The following FAM120C variants were observed in gnomAD, a reference collection of about 807,000 sequenced individuals.
FAM120C encodes the protein constitutive coactivator of PPAR-gamma-like protein 2.
In FAM120C, 14 loss-of-function variants were observed where a neutral mutation model predicts 71.2. The ratio of observed to expected loss-of-function variants is 0.20; its 90% CI spans 0.13 to 0.31. The LOEUF (loss-of-function observed/expected upper bound fraction) is 0.31, where lower values mean the gene tolerates loss of function less well. Ranked by LOEUF, FAM120C falls within the 10% of genes least tolerant of loss-of-function variation. FAM120C has a pLI of 1.00. For synonymous variants in FAM120C, 354 were observed against 353.2 expected, an observed-to-expected ratio of 1.00 and a Z score of -0.03; for missense variants, 500 against 879.0, an observed-to-expected ratio of 0.57 and a Z score of 5.45.
chrX:54,133,936 T>A lies in FAM120C; in HGVS notation c.1727A>T (p.Asp576Val), dbSNP rs781850259. ...DTGVSEASLGDGEPHIPSLLS... is the reference protein window; with the variant it reads ...DTGVSEASLGVGEPHIPSLLS... Reference sequence around the variant, plus strand: ...CAGAGATGGGATGTGGGGCTCACCATCACCTAGGCTCGCTTCTGAAACTCC... The same window carrying A: ...CAGAGATGGGATGTGGGGCTCACCAACACCTAGGCTCGCTTCTGAAACTCC... Residue 576 changes from aspartate (D) to valine (V), a missense_variant, in exon 8 of 16, where the codon GAT becomes GTT. By Grantham distance (152) the Asp-to-Val change is radical. Around this residue, in one of 11 missense-constraint regions of FAM120C, gnomAD observed 85 missense variants for 84.9 expected, o/e 1.00. Transcript: ENST00000375180. 5.0e-6 allele frequency: 6 copies of A among 1,211,522 alleles called. No individual in the cohort carries two copies. The highest frequency in any genetic ancestry group is 6.7e-6 in the Non-Finnish European group (6 of 895,485).
At position 54,073,228 on chromosome X, in the gene FAM120C, C is replaced by G. The variant is rs139512392; in HGVS notation, c.3096G>C (p.Gln1032His). The change falls in exon 16 of 16, where the codon CAG becomes CAC. Residue 1032 changes from glutamine to histidine, a missense_variant. By Grantham distance (24) the Gln-to-His change is conservative (BLOSUM62 0). Transcript: ENST00000375180. ...TCAATGCGCCACTGTTTCCATTTAC[C>G]TGGGAGCGAGACCGACCTTGATGAA... The part of the protein sequence containing the change: ...LELHQGRSRS[Q>H]VNGNSGALIK... 9 of 1,207,839 alleles carry G rather than the reference C, an allele frequency of 7.5e-6. No individual in the cohort carries two copies. In the African/African-American group the frequency reaches 1.2e-4, roughly 17 times the overall value.
At chrX:54,106,213 T>G (rs1219578467) in intron 10 of FAM120C, among the ~76,000 whole-genome samples, 1 of 111,441 alleles carries the variant, frequency 9.0e-6, no homozygotes, top group African/African-American at 3.3e-5. Context: ...AAAACAGAGA[T>G]ATAGATCAAT....
intron 10 of FAM120C, among the ~76,000 whole-genome samples, chrX:54,110,818 G>A (rs868947866): frequency 9.0e-6 from 1 of 111,083 alleles, no homozygotes; most frequent in African/African-American, 3.3e-5. Flanking sequence ...GCAGCACTTT[G>A]CGAGGCTGAG....
rs1557121270 is a variant in FAM120C at position 54,081,371 on chromosome X, G to C, written c.2929C>G (p.Arg977Gly). 1 of 1,207,471 alleles carries C rather than the reference G, an allele frequency of 8.3e-7. No homozygotes were observed. Among genetic ancestry groups the C allele is most frequent in the South Asian group, 1.8e-5 (1 of 56,544 alleles). The change falls in exon 14 of 16, where the codon CGA (arginine) becomes GGA (glycine). Residue 977 changes from arginine (R) to glycine (G), a missense_variant. Coordinates refer to ENST00000375180, the MANE Select transcript of FAM120C (RefSeq NM_017848.6). Reference sequence around the variant, plus strand: ...ACCACTTGCATGCCGAAGGATCCTCGGCCCCTGGAGGATCTGCTGCCAGCC... The same window carrying C: ...ACCACTTGCATGCCGAAGGATCCTCCGCCCCTGGAGGATCTGCTGCCAGCC... ...QWAGSRSSRG[R>G]GSFGMQVVSV...
chrX:54,076,192 C>T (rs1438576669), intron 15 of FAM120C, among the ~76,000 whole-genome samples: 2 of 101,840 alleles, frequency 2.0e-5, no homozygotes, highest in African/African-American at 3.6e-5. Context: ...TATAAAAATT[C>T]GCCGGGTGTG....
chrX:54,144,111 C>G (rs1353765381), intron 4 of FAM120C, among the ~76,000 whole-genome samples: 4 of 111,873 alleles, frequency 3.6e-5, no homozygotes, highest in Non-Finnish European at 7.5e-5. Flanking sequence ...CAAAACTCAA[C>G]AGCCCTTCAT....
At chrX:54,147,626 A>G in intron 4 of FAM120C, 1 of 123,609 alleles carries the variant, frequency 8.1e-6, no homozygotes. Context: ...AAAAACCCAA[A>G]GGGGCAGCTG....
intron 1 of FAM120C, among the ~76,000 whole-genome samples, chrX:54,180,176 C>G (rs1328524600): frequency 8.9e-6 from 1 of 111,735 alleles, no homozygotes; most frequent in East Asian, 2.8e-4. Flanking sequence ...AACCACAAAC[C>G]CATACTCAAG....
intron 7 of FAM120C, 81 bp from the exon 8 acceptor site, chrX:54,134,127 C>A: frequency 1.6e-5 from 16 of 1,012,674 alleles, no homozygotes; most frequent in Non-Finnish European, 2.0e-5. Context: ...TGTTCTGGAC[C>A]CAAGGGGTCT....
intron 1 of FAM120C, among the ~76,000 whole-genome samples, chrX:54,177,984 T>TGGCA: frequency 8.9e-6 from 1 of 112,113 alleles, no homozygotes; most frequent in East Asian, 2.8e-4. Flanking sequence ...GAAATGCATG[T>TGGCA]GGCAGCTTCA....
chrX:54,113,413 T>C (rs1603355270), intron 10 of FAM120C, among the ~76,000 whole-genome samples: 2 of 108,019 alleles, frequency 1.9e-5, no homozygotes. Context: ...TGAGCCAAGA[T>C]CACGCCACTG....
At chrX:54,157,795 T>A in intron 2 of FAM120C, 24 bp from the exon 3 acceptor site, 1 of 1,096,917 alleles carries the variant, frequency 9.1e-7, no homozygotes, top group African/African-American at 1.8e-5. Flanking sequence ...TTGTCATTCA[T>A]TGACTGTACA....
intron 10 of FAM120C, among the ~76,000 whole-genome samples, chrX:54,097,917 G>A (rs1557123576): frequency 1.8e-5 from 2 of 110,832 alleles, no homozygotes; most frequent in South Asian, 3.8e-4. Flanking sequence ...TAGTAGAGAC[G>A]GGGTTTGACC....
At chrX:54,153,565 G>A (rs940131459) in intron 3 of FAM120C, among the ~76,000 whole-genome samples, 1 of 106,284 alleles carries the variant, frequency 9.4e-6, no homozygotes, top group African/African-American at 3.4e-5. Context: ...ACAACACCAC[G>A]CCCAGCTATT....
chrX:54,114,482 T>C (rs1445703466), intron 10 of FAM120C, among the ~76,000 whole-genome samples: 1 of 111,151 alleles, frequency 9.0e-6, no homozygotes, highest in Non-Finnish European at 1.9e-5. Flanking sequence ...TCTCGCTCTG[T>C]CATCCAGGCT....
chrX:54,132,380 G>A (rs957564526), intron 9 of FAM120C, among the ~76,000 whole-genome samples: 6 of 110,126 alleles, frequency 5.4e-5, no homozygotes, highest in Admixed American at 9.8e-5. Flanking sequence ...GTCTTGCCAC[G>A]TTGCCCAGGC....
At chrX:54,161,086 G>A (rs1336767651) in intron 1 of FAM120C, among the ~76,000 whole-genome samples, 2 of 112,006 alleles carry the variant, frequency 1.8e-5, no homozygotes, top group Non-Finnish European at 3.8e-5. Flanking sequence ...GAGCCAAAAA[G>A]TATTGTAACA....
At chrX:54,084,628 A>G (rs2066784329) in intron 13 of FAM120C, among the ~76,000 whole-genome samples, 1 of 110,811 alleles carries the variant, frequency 9.0e-6, no homozygotes, top group South Asian at 3.9e-4. Context: ...TGGGAGTTCA[A>G]GACCAGCCTG....
intron 1 of FAM120C, among the ~76,000 whole-genome samples, chrX:54,178,108 G>A (rs990581317): frequency 8.9e-5 from 10 of 111,862 alleles, no homozygotes; most frequent in Non-Finnish European, 1.3e-4. Context: ...ATAATGGCTC[G>A]AAGGAATTAG....
Sources: allele counts gnomAD v4.1 joint callset (sites outside exome capture counted in the v4.1 genomes callset), GRCh38; gene constraint gnomAD v4.1.1; regional missense constraint gnomAD v4.1.1; transcripts MANE v1.5; gene names NCBI Gene and HGNC (gene_info 2026-07-23, HGNC 2026-07-21).